The following GTPBP1 variants were observed in gnomAD, a reference collection of about 807,000 sequenced individuals.
The protein encoded by GTPBP1 is GTP binding protein 1, also known as GTP-binding protein 1.
GTPBP1 carries 23 observed loss-of-function variants against 62.0 expected under a neutral mutation model. The observed-to-expected ratio is 0.37, with a 90% CI of 0.27 to 0.53. GTPBP1 has a LOEUF of 0.53. Among genes scored for constraint, GTPBP1 ranks in the 20% least tolerant of loss-of-function variants. The probability of loss-of-function intolerance (pLI) is 0.89; values close to 1 mark genes in which losing one functional copy is unlikely to be tolerated. For missense variants in GTPBP1, 640 were observed against 917.3 expected (o/e 0.70, Z 3.90); for synonymous variants, 344 against 364.4 (o/e 0.94, Z 0.64).
chr22:38,734,502 A>G (rs534978615), downstream of GTPBP1: 7 of 324,606 alleles, frequency 2.2e-5, no homozygotes, highest in East Asian at 5.7e-4. Flanking sequence ...CAGCTAATAA[A>G]GCCACCTCAC....
rs1307294473 is a variant in GTPBP1 at position 38,706,022 on chromosome 22, C to T, written c.67C>T (p.Pro23Ser). 3 of 1,424,214 alleles carry T rather than the reference C, an allele frequency of 2.1e-6. No individual in the cohort carries two copies. Among genetic ancestry groups the T allele is most frequent in the Admixed American group, 5.6e-5 (2 of 35,490 alleles). The allele number at this position is 1,424,214 out of a possible 1,614,324, so 88.2% of individuals were successfully genotyped here. A position where few individuals can be genotyped will look rare whatever the true frequency, so the allele number is the denominator to read the frequency against. ...CCCGGCCTCTATGTTCGCCCCCGAG[C>T]CCAGCTCCCCGGGGGCGGCCAGGGC... ...PVPASMFAPE[P>S]SSPGAARAAA... is the part of the protein sequence containing the mutation. The change falls in exon 1 of 12, where the codon CCC becomes TCC. Residue 23 changes from proline (P) to serine (S), a missense_variant. Physicochemically the swap from Pro to Ser is moderately conservative, Grantham distance 74. Around this residue, in one of 4 missense-constraint regions of GTPBP1, gnomAD observed 215 missense variants for 235.1 expected, o/e 0.91. Coordinates refer to ENST00000216044, the MANE Select transcript of GTPBP1 (RefSeq NM_004286.5).
At chr22:38,728,320 C>G in intron 10 of GTPBP1, 159 bp downstream of exon 10, 1 of 611,484 alleles carries the variant, frequency 1.6e-6, no homozygotes, top group Non-Finnish European at 2.9e-6. Flanking sequence ...TTAGAGGTAT[C>G]CTGTGGCCTC....
chr22:38,738,553 G>T (rs111911727), downstream of GTPBP1: 247 of 1,597,188 alleles, frequency 1.5e-4, 1 homozygote, highest in African/African-American at 2.3e-3. The surrounding 1 kb of genome is among the most constrained non-coding windows in gnomAD (Gnocchi z 6.6). Context: ...TCCCCCTGCA[G>T]CCCCTCTGGC....
chr22:38,731,275 C>T lies in GTPBP1; in HGVS notation c.*571C>T, dbSNP rs1262207815. 6.6e-6 allele frequency: 1 copy of T among 152,434 alleles called. No individual in the cohort carries two copies. Among genetic ancestry groups the T allele is most frequent in the East Asian group, 1.9e-4 (1 of 5,186 alleles). 9.4% of individuals were successfully genotyped at this position (152,434 alleles called of 1,614,324 possible). A position where few individuals can be genotyped will look rare whatever the true frequency, so the allele number is the denominator to read the frequency against. ...GATTTGGTGTCTGCTGCTGCCAGAGCAGGAACCCCCAGTCTAGGACTTGGG... is the reference window on the plus strand; with the variant it reads ...GATTTGGTGTCTGCTGCTGCCAGAGTAGGAACCCCCAGTCTAGGACTTGGG... On this transcript the variant is annotated 3_prime_UTR_variant, in exon 12 of 12. Coordinates refer to ENST00000216044, the MANE Select transcript of GTPBP1 (RefSeq NM_004286.5).
chr22:38,713,416 G>C (rs1286639278), intron 2 of GTPBP1, among the ~76,000 whole-genome samples: 1 of 152,160 alleles, frequency 6.6e-6, no homozygotes, highest in Non-Finnish European at 1.5e-5. Context: ...AATTTGTAAA[G>C]ACAAAAGTTA....
At chr22:38,740,972 G>A, downstream of GTPBP1, 2 of 1,573,274 alleles carry the variant, frequency 1.3e-6, no homozygotes, top group East Asian at 2.3e-5. The surrounding 1 kb of genome is among the most constrained non-coding windows in gnomAD (Gnocchi z 4.8). Flanking sequence ...GGGCTGGGGA[G>A]GAGCAGGCCG....
At chr22:38,735,282 T>C, downstream of GTPBP1, 1 of 454,456 alleles carries the variant, frequency 2.2e-6, no homozygotes, top group Non-Finnish European at 4.4e-6. Flanking sequence ...GGGGGCAGCC[T>C]GAGCGGACGA....
chr22:38,734,144 T>C (rs547372755), downstream of GTPBP1: 262 of 308,786 alleles, frequency 8.5e-4, 2 homozygotes, highest in South Asian at 5.9e-3. Context: ...GCCTTTGTTT[T>C]CTCAGCCATG....
downstream of GTPBP1, chr22:38,740,385 C>T (rs748611243): frequency 1.9e-5 from 30 of 1,573,258 alleles, no homozygotes; most frequent in Non-Finnish European, 2.3e-5. The surrounding 1 kb of genome is among the most constrained non-coding windows in gnomAD (Gnocchi z 4.8). Context: ...GTCCTCCAGC[C>T]GCCTCAGCTC....
In GTPBP1 at chr22:38,730,779, G is replaced by A; in HGVS notation, c.*75G>A. The A allele has an allele frequency of 1.3e-6, 1 of 785,358 alleles. No homozygotes were observed. The highest frequency in any genetic ancestry group is 1.8e-5 in the South Asian group (1 of 56,778). 48.6% of individuals were successfully genotyped at this position (785,358 alleles called of 1,614,324 possible). A position where few individuals can be genotyped will look rare whatever the true frequency, so the allele number is the denominator to read the frequency against. On this transcript the variant is annotated 3_prime_UTR_variant, in exon 12 of 12. Transcript: ENST00000216044. This position sits in a 1 kb window ranked among gnomAD's most constrained non-coding sequence, Gnocchi z 5.6. ...ACCACTCCACCAGATGGGCAGAGCA[G>A]CTATGACCGCCACCCAGCCCTCCCG...
At chr22:38,719,709 A>T (rs2092689358) in intron 4 of GTPBP1, among the ~76,000 whole-genome samples, 1 of 151,440 alleles carries the variant, frequency 6.6e-6, no homozygotes, top group African/African-American at 2.4e-5. Flanking sequence ...AGACATTGTG[A>T]CTTTTCACTG....
chr22:38,711,126 C>T (rs1160892072), intron 2 of GTPBP1, among the ~76,000 whole-genome samples: 1 of 152,214 alleles, frequency 6.6e-6, no homozygotes, highest in Non-Finnish European at 1.5e-5. Context: ...GAGTCAGTTT[C>T]ATCAGTGGTT....
In GTPBP1 at chr22:38,729,474, A is replaced by G; in HGVS notation, c.1729A>G (p.Thr577Ala). The change falls in exon 11 of 12, where the codon ACC becomes GCC. Residue 577 changes from threonine to alanine, a missense_variant. By Grantham distance (58) the Thr-to-Ala change is moderately conservative. This residue lies in a region of GTPBP1 where 220 missense variants were observed against 358.1 expected (regional missense o/e 0.61). Transcript: ENST00000216044. The stretch of plus-strand genomic sequence containing the variant: ...ATGGCTCCCACAGCTCCTCCAGACC[A>G]CCAACAACTCCCCAATGAACTCCAA... ...VGTITKLLQTTNNSPMNSKPQ... is the reference protein window; with the variant it reads ...VGTITKLLQTANNSPMNSKPQ... 1 of 1,605,318 alleles carries G rather than the reference A, an allele frequency of 6.2e-7. No individual in the cohort carries two copies. Among genetic ancestry groups the G allele is most frequent in the Non-Finnish European group, 8.5e-7 (1 of 1,176,236 alleles).
At chr22:38,741,055 G>A (rs368350457), downstream of GTPBP1, 22 of 1,595,260 alleles carry the variant, frequency 1.4e-5, no homozygotes, top group East Asian at 2.3e-5. Context: ...GGACTCCTGT[G>A]TAGGAAGAAG....
intron 2 of GTPBP1, among the ~76,000 whole-genome samples, chr22:38,715,576 T>A (rs756373745): frequency 7.9e-5 from 12 of 152,186 alleles, no homozygotes; most frequent in Admixed American, 1.3e-4. Flanking sequence ...ATTAATTTCC[T>A]GTCTGCCTCC....
Position 38,716,038 on chromosome 22 carries a change from G to C in GTPBP1, c.436G>C (p.Asp146His). ...GCAAGAAGCTGGGGGCCGCGTGCGTGATTACCTGGTCCGGAAACGAGTAGG... is the reference window on the plus strand; with the variant it reads ...GCAAGAAGCTGGGGGCCGCGTGCGTCATTACCTGGTCCGGAAACGAGTAGG... ...ERQEAGGRVR[D>H]YLVRKRVGDN... Residue 146 changes from aspartate (D) to histidine (H), a missense_variant, in exon 3 of 12, where the codon GAT becomes CAT. Around this residue, in one of 4 missense-constraint regions of GTPBP1, gnomAD observed 215 missense variants for 235.1 expected, o/e 0.91. Transcript: ENST00000216044. This position sits in a 1 kb window ranked among gnomAD's most constrained non-coding sequence, Gnocchi z 5.2. 1.2e-6 allele frequency: 2 copies of C among 1,613,520 alleles called. No individual in the cohort carries two copies. Among genetic ancestry groups the C allele is most frequent in the Non-Finnish European group, 1.7e-6 (2 of 1,179,682 alleles).
At chr22:38,717,373 T>C (rs1434747331) in intron 4 of GTPBP1, among the ~76,000 whole-genome samples, 1 of 152,118 alleles carries the variant, frequency 6.6e-6, no homozygotes, top group Non-Finnish European at 1.5e-5. Flanking sequence ...AGGTAGTACC[T>C]TCAGAGGGGC....
chr22:38,742,162 A>T, downstream of GTPBP1: 1 of 1,122,888 alleles, frequency 8.9e-7, no homozygotes, highest in Non-Finnish European at 1.2e-6. Context: ...AAAAAAAAAG[A>T]AAAAAAGAGA....
chr22:38,716,507 C>T lies in GTPBP1; in HGVS notation c.486-145C>T. 1.6e-6 allele frequency: 1 copy of T among 641,104 alleles called. No individual in the cohort carries two copies. The highest frequency in any genetic ancestry group is 1.9e-5 in the South Asian group (1 of 53,000). The allele number at this position is 641,104 out of a possible 1,614,324, so 39.7% of individuals were successfully genotyped here. A position where few individuals can be genotyped will look rare whatever the true frequency, so the allele number is the denominator to read the frequency against. ...CAGCTCTAGGAACCTTCCCACTGTG[C>T]TCCTCCGGCTCAAGGAGGAGCTGTG... On this transcript the variant is annotated intron_variant, in intron 3 of 11. Transcript: ENST00000216044. This position sits in a 1 kb window ranked among gnomAD's most constrained non-coding sequence, Gnocchi z 5.2.
Sources: allele counts gnomAD v4.1 joint callset (sites outside exome capture counted in the v4.1 genomes callset), GRCh38; gene constraint gnomAD v4.1.1; regional missense constraint gnomAD v4.1.1; non-coding constraint Gnocchi (gnomAD v3.1); transcripts MANE v1.5; gene names NCBI Gene and HGNC (gene_info 2026-07-23, HGNC 2026-07-21).